The following AJM1 variants were observed in gnomAD, a reference collection of about 807,000 sequenced individuals.
AJM1 encodes apical junction component 1 homolog, also known as uncharacterized protein C9orf172.
Under a neutral mutation model 43.0 loss-of-function variants are expected in AJM1, and 22 were observed. That is an observed-to-expected ratio of 0.51 (90% CI 0.37 to 0.73). The LOEUF is 0.73. Among genes scored for constraint, AJM1 ranks in the 30% least tolerant of loss-of-function variants. AJM1 has a pLI of 0.00. For synonymous variants in AJM1, 719 were observed against 638.3 expected, an observed-to-expected ratio of 1.13 and a Z score of -1.91; for missense variants, 1,305 against 1,343.3, an observed-to-expected ratio of 0.97 and a Z score of 0.45.
rs1239272135 is a variant in AJM1 at position 136,846,731 on chromosome 9, C to T, written c.2317C>T (p.Leu773=). The change falls in exon 3 of 3, where the codon CTG becomes TTG. Residue 773 remains leucine (L), a synonymous_variant. Transcript: ENST00000436881. ...CTTCCTGCGCTTTGGCCTGGAGGGG[C>T]TGCTGCTATCCCCCACCTACCTATC... The part of the protein sequence containing the change: ...DNFLRFGLEG[L]LLSPTYLSLR... 3 of 1,602,792 alleles carry T rather than the reference C, an allele frequency of 1.9e-6. No homozygotes were observed. Among genetic ancestry groups the T allele is most frequent in the Admixed American group, 3.3e-5 (2 of 59,852 alleles).
Position 136,844,838 on chromosome 9 carries a change from CT to C in AJM1, c.426del (p.Ala143ProfsTer352). ...GCCCGCGTACCCGGCGCTCCGCGCC[CT>C]TGCCAACGAGCTGCATCCCATCAAG... is the stretch of plus-strand genomic sequence containing the variant. ...REPAYPALRA[L>X]ANELHPIKLQ... On this transcript the variant is annotated frameshift_variant, in exon 3 of 3. Transcript: ENST00000436881. LOFTEE classifies it low-confidence loss of function (END_TRUNC). 1 of 239,014 alleles carries C rather than the reference CT, an allele frequency of 4.2e-6. No individual in the cohort carries two copies. The highest frequency in any genetic ancestry group is 8.2e-6 in the Non-Finnish European group (1 of 121,484). The allele number at this position is 239,014 out of a possible 1,614,324, so 14.8% of individuals were successfully genotyped here. A position where few individuals can be genotyped will look rare whatever the true frequency, so the allele number is the denominator to read the frequency against.
Position 136,847,042 on chromosome 9 carries a change from GC to G in AJM1, c.2630del (p.Pro877HisfsTer77). The G allele has an allele frequency of 7.4e-7, 1 of 1,356,736 alleles. No homozygotes were observed. Among genetic ancestry groups the G allele is most frequent in the South Asian group, 1.4e-5 (1 of 73,684 alleles). 84.0% of individuals were successfully genotyped at this position (1,356,736 alleles called of 1,614,324 possible). A position where few individuals can be genotyped will look rare whatever the true frequency, so the allele number is the denominator to read the frequency against. On this transcript the variant is annotated frameshift_variant, in exon 3 of 3. Coordinates refer to ENST00000436881, the MANE Select transcript of AJM1 (RefSeq NM_001080482.5). LOFTEE classifies it high-confidence loss of function. ...EPDMETLILT[P>X]PPGTAGLDQD... ...CCGACATGGAGACGCTGATCCTGAC[GC>G]CACCGCCGGGCACGGCGGGCCTGGA...
chr9:136,845,066 C>G lies in AJM1; in HGVS notation c.652C>G (p.Pro218Ala). The change falls in exon 3 of 3, where the codon CCC (proline) becomes GCC (alanine). Residue 218 changes from proline to alanine, a missense_variant. Physicochemically the swap from Pro to Ala is conservative, Grantham distance 27. Transcript: ENST00000436881. The part of the protein sequence containing the change: ...GPTEAAHWAR[P>A]APQFHGLTVP... ...CACCGAGGCCGCGCACTGGGCCCGCCCCGCCCCGCAGTTCCACGGCCTCAC... is the reference window on the plus strand; with the variant it reads ...CACCGAGGCCGCGCACTGGGCCCGCGCCGCCCCGCAGTTCCACGGCCTCAC... 1 of 1,065,546 alleles carries G rather than the reference C, an allele frequency of 9.4e-7. No homozygotes were observed. Among genetic ancestry groups the G allele is most frequent in the Admixed American group, 2.0e-5 (1 of 50,072 alleles). 66.0% of individuals were successfully genotyped at this position (1,065,546 alleles called of 1,614,324 possible).
At position 136,846,725 on chromosome 9, in the gene AJM1, G is replaced by T; in HGVS notation, c.2311G>T (p.Glu771Ter). 1 of 1,603,686 alleles carries T rather than the reference G, an allele frequency of 6.2e-7. No individual in the cohort carries two copies. ...SADNFLRFGL[E>*]GLLLSPTYLS... ...CGACAACTTCCTGCGCTTTGGCCTG[G>T]AGGGGCTGCTGCTATCCCCCACCTA... Residue 771 changes from glutamate to a stop codon, truncating the protein, a stop_gained, in exon 3 of 3, where the codon GAG becomes TAG. Transcript: ENST00000436881. LOFTEE classifies it high-confidence loss of function.
In AJM1 at chr9:136,846,625, G is replaced by C; in HGVS notation, c.2211G>C (p.Ser737=). ...GCGGCCCGGTGCACCGCGCTTTCTCGCGCATCGCGCGTGTCGGCTTCCTGT... is the reference window on the plus strand; with the variant it reads ...GCGGCCCGGTGCACCGCGCTTTCTCCCGCATCGCGCGTGTCGGCTTCCTGT... ...RDSGPVHRAF[S]RIARVGFLSR... The change falls in exon 3 of 3, where the codon TCG becomes TCC. Residue 737 remains serine, a synonymous_variant. Transcript: ENST00000436881. 1 of 1,595,216 alleles carries C rather than the reference G, an allele frequency of 6.3e-7. No homozygotes were observed. The highest frequency in any genetic ancestry group is 1.1e-5 in the South Asian group (1 of 90,690).
rs1268540455 is a variant in AJM1 at position 136,847,208 on chromosome 9, A to C, written c.2794A>C (p.Arg932=). 1.9e-6 allele frequency: 3 copies of C among 1,605,842 alleles called. No homozygotes were observed. The highest frequency in any genetic ancestry group is 2.5e-6 in the Non-Finnish European group (3 of 1,178,864). The change falls in exon 3 of 3, where the codon AGG becomes CGG. Residue 932 remains arginine (R), a synonymous_variant. Transcript: ENST00000436881. ...EQLCEFVEAN[R]RFTPTTIYPT... ...GCTTTGCGAGTTCGTCGAGGCCAAC[A>C]GGCGCTTCACGCCCACCACCATCTA... is the stretch of plus-strand genomic sequence containing the variant.
chr9:136,845,587 G>C lies in AJM1; in HGVS notation c.1173G>C (p.Thr391=), dbSNP rs1487837857. The change falls in exon 3 of 3, where the codon ACG becomes ACC. Residue 391 remains threonine, a synonymous_variant. Transcript: ENST00000436881. The part of the protein sequence containing the change: ...RYRERDVLAR[T]YPHPRSSPAW... ...GCGAGCGTGACGTCCTGGCTCGGAC[G>C]TACCCGCACCCGCGCAGCAGCCCGG... is the stretch of plus-strand genomic sequence containing the variant. 7 of 1,587,000 alleles carry C rather than the reference G, an allele frequency of 4.4e-6. No homozygotes were observed. Among genetic ancestry groups the C allele is most frequent in the Non-Finnish European group, 6.0e-6 (7 of 1,170,774 alleles).
At position 136,844,655 on chromosome 9, in the gene AJM1, C is replaced by G. The variant is rs777357778; in HGVS notation, c.241C>G (p.Arg81Gly). 2.0e-6 allele frequency: 3 copies of G among 1,488,618 alleles called. No homozygotes were observed. In the East Asian group the frequency reaches 8.1e-5, roughly 40 times the overall value. 92.2% of individuals were successfully genotyped at this position (1,488,618 alleles called of 1,614,324 possible). A position where few individuals can be genotyped will look rare whatever the true frequency, so the allele number is the denominator to read the frequency against. ...PPPESAVPRA[R>G]TREAEPRRRA... is the part of the protein sequence containing the mutation. ...GCCGGAGTCCGCTGTGCCGCGCGCC[C>G]GGACCCGCGAAGCCGAGCCACGCCG... Residue 81 changes from arginine (R) to glycine (G), a missense_variant, in exon 3 of 3, where the codon CGG becomes GGG. Around this residue, in one of 6 missense-constraint regions of AJM1, gnomAD observed 128 missense variants for 120.6 expected, o/e 1.06. Coordinates refer to ENST00000436881, the MANE Select transcript of AJM1 (RefSeq NM_001080482.5).
rs1306644303 is a variant in AJM1 at position 136,847,975 on chromosome 9, A to C, written c.*630A>C. 6.6e-6 allele frequency: 1 copy of C among 152,256 alleles called. No individual in the cohort carries two copies. Among genetic ancestry groups the C allele is most frequent in the Admixed American group, 6.5e-5 (1 of 15,284 alleles). 9.4% of individuals were successfully genotyped at this position (152,256 alleles called of 1,614,324 possible). A position where few individuals can be genotyped will look rare whatever the true frequency, so the allele number is the denominator to read the frequency against. On this transcript the variant is annotated 3_prime_UTR_variant, in exon 3 of 3. Coordinates refer to ENST00000436881, the MANE Select transcript of AJM1 (RefSeq NM_001080482.5). The stretch of plus-strand genomic sequence containing the variant: ...CCGTGTGCGCGAGCGCGTCCCGCCG[A>C]GGCGGTGGGCAGGGCGGACGGTGCG...
In AJM1 at chr9:136,848,794, TG is replaced by T. The variant is rs1433393407; in HGVS notation, c.*1450del. 6.6e-6 allele frequency: 1 copy of T among 152,334 alleles called. No homozygotes were observed. Among genetic ancestry groups the T allele is most frequent in the Non-Finnish European group, 1.5e-5 (1 of 68,086 alleles). 9.4% of individuals were successfully genotyped at this position (152,334 alleles called of 1,614,324 possible). A position where few individuals can be genotyped will look rare whatever the true frequency, so the allele number is the denominator to read the frequency against. On this transcript the variant is annotated 3_prime_UTR_variant, in exon 3 of 3. Transcript: ENST00000436881. ...CTTTCGAACCAAGTAAAATAGAACT[TG>T]AATGTAGCGGCTGCCGTTGCCTCCT...
Position 136,846,455 on chromosome 9 carries a change from C to T in AJM1, c.2041C>T (p.Leu681Phe), listed in dbSNP as rs773635433. The T allele has an allele frequency of 6.3e-6, 10 of 1,594,256 alleles. No individual in the cohort carries two copies. The highest frequency in any genetic ancestry group is 3.3e-5 in the Admixed American group (2 of 59,928). ...CACCGAGACCATGTTCAACGCCTGC[C>T]TCTACTTCAAGTCCTGCCACAGCTG... ...RRTETMFNAC[L>F]YFKSCHSCYT... is the part of the protein sequence containing the mutation. The change falls in exon 3 of 3, where the codon CTC (leucine) becomes TTC (phenylalanine). Residue 681 changes from leucine to phenylalanine, a missense_variant. Physicochemically the swap from Leu to Phe is conservative, Grantham distance 22. Transcript: ENST00000436881.
chr9:136,845,077 G>C lies in AJM1; in HGVS notation c.663G>C (p.Gln221His), dbSNP rs1450045137. Residue 221 changes from glutamine (Q) to histidine (H), a missense_variant, in exon 3 of 3, where the codon CAG becomes CAC. Transcript: ENST00000436881. ...CGCACTGGGCCCGCCCCGCCCCGCA[G>C]TTCCACGGCCTCACGGTGCCCGGGC... ...EAAHWARPAPQFHGLTVPGPR... is the reference protein window; with the variant it reads ...EAAHWARPAPHFHGLTVPGPR... 8.3e-7 allele frequency: 1 copy of C among 1,204,632 alleles called. No homozygotes were observed. The highest frequency in any genetic ancestry group is 1.2e-6 in the Non-Finnish European group (1 of 836,368). 74.6% of individuals were successfully genotyped at this position (1,204,632 alleles called of 1,614,324 possible). A position where few individuals can be genotyped will look rare whatever the true frequency, so the allele number is the denominator to read the frequency against.
rs1848770551 is a variant in AJM1, at chr9:136,846,065, T to C, written c.1651T>C (p.Trp551Arg). The change falls in exon 3 of 3, where the codon TGG becomes CGG. Residue 551 changes from tryptophan (W) to arginine (R), a missense_variant. Around this residue, in one of 6 missense-constraint regions of AJM1, gnomAD observed 653 missense variants for 549.1 expected, o/e 1.19. Coordinates refer to ENST00000436881, the MANE Select transcript of AJM1 (RefSeq NM_001080482.5). The stretch of plus-strand genomic sequence containing the variant: ...CACCGAGCGCCCGAGCGCCAGGGCC[T>C]GGGAGTTGCCCGGGGGCCGCACGCG... ...RATERPSARAWELPGGRTRPP... is the reference protein window; with the variant it reads ...RATERPSARARELPGGRTRPP... The C allele has an allele frequency of 6.5e-7, 1 of 1,536,412 alleles. No individual in the cohort carries two copies. Among genetic ancestry groups the C allele is most frequent in the Non-Finnish European group, 8.7e-7 (1 of 1,143,936 alleles).
At position 136,848,318 on chromosome 9, in the gene AJM1, C is replaced by T. The variant is rs1404020927; in HGVS notation, c.*973C>T. ...AGAGCTAGTTGGTAAGCGTGGAAGC[C>T]CACCCGAGGGGGCTTGACCTGTCCC... is the stretch of plus-strand genomic sequence containing the variant. On this transcript the variant is annotated 3_prime_UTR_variant, in exon 3 of 3. Coordinates refer to ENST00000436881, the MANE Select transcript of AJM1 (RefSeq NM_001080482.5). 1 of 152,314 alleles carries T rather than the reference C, an allele frequency of 6.6e-6. No individual in the cohort carries two copies. The highest frequency in any genetic ancestry group is 1.5e-5 in the Non-Finnish European group (1 of 68,112). The allele number at this position is 152,314 out of a possible 1,614,324, so 9.4% of individuals were successfully genotyped here. A position where few individuals can be genotyped will look rare whatever the true frequency, so the allele number is the denominator to read the frequency against.
In AJM1 at chr9:136,846,564, G is replaced by C. The variant is rs1261425134; in HGVS notation, c.2150G>C (p.Ser717Thr). 1 of 1,593,298 alleles carries C rather than the reference G, an allele frequency of 6.3e-7. No individual in the cohort carries two copies. Among genetic ancestry groups the C allele is most frequent in the Admixed American group, 1.7e-5 (1 of 59,800 alleles). Residue 717 changes from serine (S) to threonine (T), a missense_variant, in exon 3 of 3, where the codon AGC (serine) becomes ACC (threonine). By Grantham distance (58) the Ser-to-Thr change is moderately conservative (BLOSUM62 1). This residue lies in a region of AJM1 where 391 missense variants were observed against 507.5 expected (regional missense o/e 0.77). Transcript: ENST00000436881. ...CGCTGCGTGTACGGCCGCGTGGGCA[G>C]CGTGTGCCGCCACGTACTGCAGTTT... ...KARCVYGRVG[S>T]VCRHVLQFCR...
rs766595592 is a variant in AJM1 at position 136,845,746 on chromosome 9, C to G, written c.1332C>G (p.His444Gln). Residue 444 changes from histidine to glutamine, a missense_variant, in exon 3 of 3, where the codon CAC becomes CAG. By Grantham distance (24) the His-to-Gln change is conservative. Transcript: ENST00000436881. The stretch of plus-strand genomic sequence containing the variant: ...CCCGGCTGGCCACCGACAGCCGCCA[C>G]TACTCGCGCTCCTGGGACAACATTC... ...SPPRLATDSR[H>Q]YSRSWDNILA... is the part of the protein sequence containing the mutation. 1.3e-6 allele frequency: 2 copies of G among 1,578,762 alleles called. No individual in the cohort carries two copies. Among genetic ancestry groups the G allele is most frequent in the East Asian group, 2.3e-5 (1 of 43,436 alleles).
chr9:136,846,063 C>T lies in AJM1; in HGVS notation c.1649C>T (p.Ala550Val), dbSNP rs1848770522. 4 of 1,537,806 alleles carry T rather than the reference C, an allele frequency of 2.6e-6. No individual in the cohort carries two copies. In the East Asian group the frequency reaches 7.4e-5, roughly 28 times the overall value. ...GCCACCGAGCGCCCGAGCGCCAGGG[C>T]CTGGGAGTTGCCCGGGGGCCGCACG... Reference protein sequence around the residue: ...LRATERPSARAWELPGGRTRP... With the variant: ...LRATERPSARVWELPGGRTRP... The change falls in exon 3 of 3, where the codon GCC becomes GTC. Residue 550 changes from alanine to valine, a missense_variant. This residue lies in a region of AJM1 where 653 missense variants were observed against 549.1 expected (regional missense o/e 1.19). Coordinates refer to ENST00000436881, the MANE Select transcript of AJM1 (RefSeq NM_001080482.5).
rs753428648 is a variant in AJM1, at chr9:136,847,233, AC to A, written c.2823del (p.Thr942ArgfsTer12). The A allele has an allele frequency of 8.7e-6, 14 of 1,601,244 alleles. No homozygotes were observed. The highest frequency in any genetic ancestry group is 2.7e-5 in the African/African-American group (2 of 73,414). ...AGGCGCTTCACGCCCACCACCATCT[AC>A]CCCACGGACCGGCGCACCGGCCGCC... ...ANRRFTPTTIYPTDRRTGRPF... is the reference protein window; with the variant it reads ...ANRRFTPTTIXPTDRRTGRPF... On this transcript the variant is annotated frameshift_variant, in exon 3 of 3. Coordinates refer to ENST00000436881, the MANE Select transcript of AJM1 (RefSeq NM_001080482.5). LOFTEE classifies it high-confidence loss of function.
rs1848767779 is a variant in AJM1 at position 136,845,908 on chromosome 9, C to T, written c.1494C>T (p.Thr498=). The change falls in exon 3 of 3, where the codon ACC becomes ACT. Residue 498 remains threonine, a synonymous_variant. Transcript: ENST00000436881. ...CGCCCGTCGTCGTGAACCTGTCCAC[C>T]TCTCCCAGACGCTACGCCGCACTGT... ...RRPPVVVNLS[T]SPRRYAALSL... 1.3e-6 allele frequency: 2 copies of T among 1,558,322 alleles called. No individual in the cohort carries two copies. Among genetic ancestry groups the T allele is most frequent in the Non-Finnish European group, 1.7e-6 (2 of 1,152,540 alleles).
Sources: allele counts gnomAD v4.1 joint callset, GRCh38; gene constraint gnomAD v4.1.1; regional missense constraint gnomAD v4.1.1; transcripts MANE v1.5; gene names NCBI Gene and HGNC (gene_info 2026-07-23, HGNC 2026-07-21).